The following ZDHHC15 variants were observed in gnomAD, a reference collection of about 807,000 sequenced individuals.
ZDHHC15 encodes the protein palmitoyltransferase ZDHHC15.
Under a neutral mutation model 31.7 loss-of-function variants are expected in ZDHHC15, and 19 were observed. The observed-to-expected ratio is 0.60, with a 90% CI of 0.42 to 0.88. ZDHHC15 has a LOEUF of 0.88. Among genes scored for constraint, ZDHHC15 ranks in the 40% least tolerant of loss-of-function variants. ZDHHC15 has a pLI of 0.00. For synonymous variants in ZDHHC15, 103 were observed against 90.0 expected, an observed-to-expected ratio of 1.14 and a Z score of -0.82; for missense variants, 209 against 251.2, an observed-to-expected ratio of 0.83 and a Z score of 1.14.
intron 10 of ZDHHC15, chrX:75,384,669 C>T (rs145994023): frequency 0.023 from 18,879 of 834,813 alleles, 216 homozygotes; most frequent in South Asian, 0.077. Context: ...TCCTGAAACG[C>T]ATGAATGAAA....
intron 10 of ZDHHC15, among the ~76,000 whole-genome samples, chrX:75,397,691 C>T (rs1489628124): frequency 9.0e-6 from 1 of 111,485 alleles, no homozygotes; most frequent in Non-Finnish European, 1.9e-5. Flanking sequence ...ACAAGACCTT[C>T]AACCGAAATA....
chrX:75,507,212 A>G (rs889656255), intron 1 of ZDHHC15, among the ~76,000 whole-genome samples: 4 of 111,697 alleles, frequency 3.6e-5, no homozygotes, highest in African/African-American at 6.5e-5. Context: ...TGACGATGAC[A>G]ATGACTAGCA....
intron 1 of ZDHHC15, among the ~76,000 whole-genome samples, chrX:75,514,268 AG>A (rs2085322098): frequency 8.9e-6 from 1 of 112,838 alleles, no homozygotes; most frequent in Non-Finnish European, 1.9e-5. Flanking sequence ...TCTAATTTAA[AG>A]GAAAAAATGC....
At chrX:75,450,687 T>A in intron 4 of ZDHHC15, 115 bp downstream of exon 4, 1 of 1,195,660 alleles carries the variant, frequency 8.4e-7, no homozygotes, top group South Asian at 1.8e-5. Context: ...AAAATCTCCA[T>A]AGTGGTTTTC....
chrX:75,482,934 T>C (rs1415214761), intron 2 of ZDHHC15, among the ~76,000 whole-genome samples: 2 of 108,138 alleles, frequency 1.8e-5, no homozygotes, highest in African/African-American at 6.7e-5. Flanking sequence ...CTCGAGAAGC[T>C]GGTTAACCTT....
intron 11 of ZDHHC15, among the ~76,000 whole-genome samples, chrX:75,378,211 T>C (rs191959454): frequency 6.2e-5 from 7 of 112,286 alleles, no homozygotes; most frequent in Admixed American, 1.9e-4. Context: ...ACTTACTACA[T>C]ATGCAGACTT....
chrX:75,424,552 C>A, intron 8 of ZDHHC15, 100 bp downstream of exon 8: 3 of 889,194 alleles, frequency 3.4e-6, no homozygotes, highest in Non-Finnish European at 3.0e-6. Context: ...GATGTCACTG[C>A]AGCTAAAATG....
At chrX:75,456,041 GAC>G (rs1326087294) in intron 3 of ZDHHC15, among the ~76,000 whole-genome samples, 1 of 111,489 alleles carries the variant, frequency 9.0e-6, no homozygotes, top group Non-Finnish European at 1.9e-5. Context: ...CTACTAGAAA[GAC>G]ACACACACAT....
chrX:75,427,656 T>G (rs2147857519), intron 7 of ZDHHC15, among the ~76,000 whole-genome samples: 1 of 111,265 alleles, frequency 9.0e-6, no homozygotes, highest in African/African-American at 3.3e-5. Flanking sequence ...GTATGTGGAT[T>G]TTATAATATA....
chrX:75,472,721 G>T (rs1430662925), intron 3 of ZDHHC15, among the ~76,000 whole-genome samples: 1 of 111,913 alleles, frequency 8.9e-6, no homozygotes, highest in African/African-American at 3.2e-5. Context: ...ATCGCCCAAT[G>T]GGCCCATGAA....
intron 10 of ZDHHC15, among the ~76,000 whole-genome samples, chrX:75,406,787 A>C (rs760922379): frequency 8.1e-5 from 9 of 111,259 alleles, no homozygotes; most frequent in Admixed American, 1.9e-4. Context: ...AATTTTACTT[A>C]ACCTTTCACA....
At position 75,421,742 on chromosome X, in the gene ZDHHC15, A is replaced by C. The variant is rs1435181663; in HGVS notation, c.863+122T>G. The stretch of plus-strand genomic sequence containing the variant: ...TTTGCCTTTATTAACCTAGAAATGA[A>C]GAACTTGGGGAATAGAGTTTCACAC... On this transcript the variant is annotated intron_variant, in intron 9 of 11. Transcript: ENST00000373367. The C allele has an allele frequency of 4.0e-6, 3 of 741,172 alleles. 1 individual carries two copies. Among genetic ancestry groups the C allele is most frequent in the Non-Finnish European group, 5.6e-6 (3 of 534,763 alleles). The allele number at this position is 741,172 out of a possible 1,213,427, so 61.1% of individuals were successfully genotyped here. A position where few individuals can be genotyped will look rare whatever the true frequency, so the allele number is the denominator to read the frequency against.
intron 10 of ZDHHC15, among the ~76,000 whole-genome samples, chrX:75,402,253 G>A (rs934632286): frequency 1.8e-5 from 2 of 111,604 alleles, no homozygotes; most frequent in Admixed American, 1.9e-4. Flanking sequence ...ATTAAAGAGG[G>A]AAATTCATAG....
At chrX:75,518,790 TATATATATATATATATAC>T (rs1406665242) in intron 1 of ZDHHC15, among the ~76,000 whole-genome samples, 14 of 25,536 alleles carry the variant, frequency 5.5e-4, no homozygotes, top group African/African-American at 1.2e-3. Context: ...TATATATATA[TATATATATATATATATAC>T]ACACACACAC....
At chrX:75,441,555 G>T (rs2083940666) in intron 4 of ZDHHC15, among the ~76,000 whole-genome samples, 1 of 110,660 alleles carries the variant, frequency 9.0e-6, no homozygotes. Flanking sequence ...GTTTGCAGTG[G>T]CAAGATGCTT....
chrX:75,399,173 C>T (rs757559935), intron 10 of ZDHHC15, among the ~76,000 whole-genome samples: 1 of 111,015 alleles, frequency 9.0e-6, no homozygotes, highest in South Asian at 3.9e-4. Flanking sequence ...TTCATATCTC[C>T]TCAATGGGCA....
At chrX:75,521,173 G>A (rs1015960458) in intron 1 of ZDHHC15, among the ~76,000 whole-genome samples, 1 of 110,744 alleles carries the variant, frequency 9.0e-6, no homozygotes, top group African/African-American at 3.3e-5. Flanking sequence ...TACTGTGAGA[G>A]GAGTATAAAC....
chrX:75,417,811 G>T (rs901628707), intron 9 of ZDHHC15, among the ~76,000 whole-genome samples: 12 of 111,723 alleles, frequency 1.1e-4, no homozygotes, highest in Non-Finnish European at 2.3e-4. Context: ...CAGATGGGAT[G>T]CATTGGAGGG....
At chrX:75,402,003 C>T (rs2083363744) in intron 10 of ZDHHC15, among the ~76,000 whole-genome samples, 1 of 112,226 alleles carries the variant, frequency 8.9e-6, no homozygotes, top group Non-Finnish European at 1.9e-5. Context: ...AAACAATCCT[C>T]AACAAAAGTA....
Sources: gnomAD v4.1 joint callset for allele counts (sites outside exome capture counted in the v4.1 genomes callset) on GRCh38, gnomAD v4.1.1 for gene constraint, MANE v1.5 for transcripts, NCBI Gene and HGNC (gene_info 2026-07-23, HGNC 2026-07-21) for gene names.